The following GLI2 variants were observed in gnomAD, a reference collection of about 807,000 sequenced individuals.
The protein encoded by GLI2 is GLI family zinc finger 2.
GLI2 carries 22 observed loss-of-function variants against 78.9 expected under a neutral mutation model. The observed-to-expected ratio is 0.28, with a 90% CI of 0.20 to 0.40. The LOEUF (loss-of-function observed/expected upper bound fraction) is 0.40, where lower values mean the gene tolerates loss of function less well. Among genes scored for constraint, GLI2 ranks in the 10% least tolerant of loss-of-function variants. The probability of loss-of-function intolerance (pLI) is 1.00; values close to 1 mark genes in which losing one functional copy is unlikely to be tolerated. For missense variants in GLI2, 2,097 were observed against 2,213.2 expected (o/e 0.95, Z 1.05); for synonymous variants, 974 against 963.7 (o/e 1.01, Z -0.20).
chr2:120,847,416 A>C (rs529318343), intron 2 of GLI2, among the ~76,000 whole-genome samples: 4 of 152,262 alleles, frequency 2.6e-5, no homozygotes, highest in African/African-American at 7.2e-5. Context: ...GTTTCGAGGT[A>C]TGAGAGGGAC....
intron 1 of GLI2, among the ~76,000 whole-genome samples, chr2:120,759,158 T>A (rs1039854957): frequency 3.3e-5 from 5 of 152,236 alleles, no homozygotes; most frequent in African/African-American, 1.2e-4. Context: ...TCTCACTCTG[T>A]CAACACAGAA....
chr2:120,979,118 C>T lies in GLI2; in HGVS notation c.1467+535C>T, dbSNP rs556159060. On this transcript the variant is annotated intron_variant, in intron 10 of 13. Coordinates refer to ENST00000361492, the MANE Select transcript of GLI2 (RefSeq NM_001374353.1). The stretch of plus-strand genomic sequence containing the variant: ...TCAGCCTCCTGAGTAGCTGGGACTA[C>T]AGGTACATGCCACCAACCCAGCTAA... Among the ~76,000 whole-genome samples the T allele has an allele frequency of 2.0e-5, 3 of 152,260 alleles. No homozygotes were observed. The East Asian group carries it at 5.8e-4, about 29-fold the overall frequency.
chr2:120,990,420 C>T lies in GLI2; in HGVS notation c.4455C>T (p.Ser1485=). The T allele has an allele frequency of 1.2e-6, 2 of 1,614,090 alleles. No homozygotes were observed. Among genetic ancestry groups the T allele is most frequent in the South Asian group, 2.2e-5 (2 of 91,074 alleles). The change falls in exon 14 of 14, where the codon TCC becomes TCT. Residue 1485 remains serine (S), a synonymous_variant. Transcript: ENST00000361492. ...ACCAGGTGTCCAGCACTGTGGACTC[C>T]CAGCTCCTGGAGGCCCCCCAGATTG... The part of the protein sequence containing the change: ...GVNQVSSTVD[S]QLLEAPQIDF...
intron 2 of GLI2, among the ~76,000 whole-genome samples, chr2:120,826,975 A>G (rs1431731910): frequency 6.6e-6 from 1 of 152,102 alleles, no homozygotes; most frequent in African/African-American, 2.4e-5. Context: ...TCCCGGGACA[A>G]GTGGGGCTCC....
chr2:120,819,486 C>T lies in GLI2; in HGVS notation c.148+22018C>T, dbSNP rs149825792. Among the ~76,000 whole-genome samples the T allele has an allele frequency of 9.2e-4, 140 of 152,122 alleles. 1 individual carries two copies. The highest frequency in any genetic ancestry group is 3.2e-3 in the African/African-American group (132 of 41,520). ...AACTCCTGACCTCAGGTGATCTGCC[C>T]GCCTCAGCCTCCTAAAGTGCTGGGA... On this transcript the variant is annotated intron_variant, in intron 2 of 13. Transcript: ENST00000361492.
At chr2:120,929,099 A>C (rs970060459) in intron 3 of GLI2, among the ~76,000 whole-genome samples, 4 of 152,164 alleles carry the variant, frequency 2.6e-5, no homozygotes, top group African/African-American at 7.2e-5. Context: ...TTACTATATA[A>C]GATGTCTCTG....
chr2:120,918,389 G>A (rs1468969948), intron 2 of GLI2, among the ~76,000 whole-genome samples: 1 of 151,978 alleles, frequency 6.6e-6, no homozygotes, highest in African/African-American at 2.4e-5. Context: ...GATGGGGAAG[G>A]GCATTATGAC....
intron 2 of GLI2, among the ~76,000 whole-genome samples, chr2:120,862,292 T>C (rs1307423948): frequency 6.6e-6 from 1 of 152,150 alleles, no homozygotes; most frequent in African/African-American, 2.4e-5. Context: ...AATAAACAAA[T>C]GCCTACACAG....
rs1558901384 is a variant in GLI2 at position 120,942,927 on chromosome 2, TTCGTTCACACCCTCAC to T, written c.255-8313_255-8298del. Among the ~76,000 whole-genome samples the T allele has an allele frequency of 5.9e-4, 89 of 150,350 alleles. 1 individual carries two copies. Among genetic ancestry groups the T allele is most frequent in the African/African-American group, 2.2e-3 (87 of 39,844 alleles). On this transcript the variant is annotated intron_variant, in intron 3 of 13. Transcript: ENST00000361492. ...ACACCCTCACTCACTCATTCATTCA[TTCGTTCACACCCTCAC>T]TCACTCATTCATTCATTCGTTCACG...
In GLI2 at chr2:120,923,462, AAC is replaced by A. The variant is rs200200505; in HGVS notation, c.149-3891_149-3890del. On this transcript the variant is annotated intron_variant, in intron 2 of 13. Coordinates refer to ENST00000361492, the MANE Select transcript of GLI2 (RefSeq NM_001374353.1). ...ACACACAGCAACATGCACATACAAC[AAC>A]ACACACATACAGCATACATATGCAC... Among the ~76,000 whole-genome samples, 620 of 152,120 alleles carry A rather than the reference AAC, an allele frequency of 4.1e-3. 2 individuals are homozygous for A. Among genetic ancestry groups the A allele is most frequent in the East Asian group, 0.022 (116 of 5,176 alleles).
intron 3 of GLI2, among the ~76,000 whole-genome samples, chr2:120,931,967 C>T (rs934954172): frequency 6.6e-6 from 1 of 152,064 alleles, no homozygotes; most frequent in Non-Finnish European, 1.5e-5. Context: ...TGGTTCCCGC[C>T]AGACTGAGTG....
chr2:120,782,891 A>C (rs1382311744), intron 1 of GLI2, among the ~76,000 whole-genome samples: 1 of 152,222 alleles, frequency 6.6e-6, no homozygotes, highest in Non-Finnish European at 1.5e-5. Flanking sequence ...GTAGAACAGG[A>C]GGTTGACTGC....
intron 1 of GLI2, among the ~76,000 whole-genome samples, chr2:120,787,638 G>A (rs17318047): frequency 1.2e-4 from 19 of 152,308 alleles, no homozygotes; most frequent in Middle Eastern, 3.4e-3. Flanking sequence ...CTCAGGAATC[G>A]CGCTTCAGGA....
intron 2 of GLI2, among the ~76,000 whole-genome samples, chr2:120,869,277 G>A (rs1051603553): frequency 2.0e-5 from 3 of 152,190 alleles, no homozygotes; most frequent in Admixed American, 1.3e-4. Flanking sequence ...GGCCCTGGGG[G>A]CAACAGTGCC....
intron 2 of GLI2, among the ~76,000 whole-genome samples, chr2:120,873,491 G>C (rs1688571429): frequency 6.6e-6 from 1 of 152,188 alleles, no homozygotes; most frequent in African/African-American, 2.4e-5. Context: ...CATTCTCCTA[G>C]CTTTTCCGCC....
chr2:120,774,765 C>T (rs1282530992), intron 1 of GLI2, among the ~76,000 whole-genome samples: 1 of 151,820 alleles, frequency 6.6e-6, no homozygotes, highest in Non-Finnish European at 1.5e-5. Flanking sequence ...GTCCTCACCA[C>T]TCCCTATTGC....
At chr2:120,821,531 A>G (rs555076875) in intron 2 of GLI2, among the ~76,000 whole-genome samples, 12 of 152,140 alleles carry the variant, frequency 7.9e-5, no homozygotes, top group Non-Finnish European at 1.3e-4. Context: ...GCCTAGCCTC[A>G]TCAAACGTGA....
At chr2:120,755,208 A>G (rs1422525012) in intron 1 of GLI2, among the ~76,000 whole-genome samples, 1 of 152,232 alleles carries the variant, frequency 6.6e-6, no homozygotes, top group Non-Finnish European at 1.5e-5. Flanking sequence ...ACCATTTTAT[A>G]TTCCCACCAA....
At chr2:120,856,453 C>T (rs1057181030) in intron 2 of GLI2, among the ~76,000 whole-genome samples, 6 of 152,148 alleles carry the variant, frequency 3.9e-5, no homozygotes, top group South Asian at 2.1e-4. Context: ...GGAAGCAGGA[C>T]GGCTCCTAGG....
Sources: allele counts gnomAD v4.1 joint callset (sites outside exome capture counted in the v4.1 genomes callset), GRCh38; gene constraint gnomAD v4.1.1; transcripts MANE v1.5; gene names NCBI Gene and HGNC (gene_info 2026-07-23, HGNC 2026-07-21).